SP4: variants seen among roughly 807,000 people sequenced by gnomAD.
SP4 encodes the protein transcription factor Sp4.
In SP4, 19 loss-of-function variants were observed where a neutral mutation model predicts 72.8. The observed-to-expected ratio is 0.26, with a 90% CI of 0.18 to 0.38. The LOEUF (loss-of-function observed/expected upper bound fraction) is 0.38. SP4 is among the 10% of genes least tolerant of loss of function. The pLI is 1.00. For synonymous variants in SP4, 395 were observed against 333.1 expected, an observed-to-expected ratio of 1.19 and a Z score of -2.02; for missense variants, 1,008 against 926.3, an observed-to-expected ratio of 1.09 and a Z score of -1.14.
chr7:21,464,132 T>C (rs986328931), intron 3 of SP4, among the ~76,000 whole-genome samples: 6 of 149,916 alleles, frequency 4.0e-5, no homozygotes, highest in South Asian at 2.1e-4. Flanking sequence ...CTTTTTTTTT[T>C]TTTTTTTTTT....
intron 3 of SP4, among the ~76,000 whole-genome samples, chr7:21,453,419 C>G (rs73685128): frequency 0.022 from 3,291 of 152,248 alleles, 124 homozygotes; most frequent in African/African-American, 0.074. Context: ...CAGCCAGACA[C>G]AATTGAAAAG....
intron 3 of SP4, among the ~76,000 whole-genome samples, chr7:21,431,876 A>G (rs1782868376): frequency 2.0e-5 from 3 of 152,226 alleles, no homozygotes. Context: ...CTTTCTTGAA[A>G]CAAGTTGCAG....
At chr7:21,482,206 T>G (rs1378875403) in intron 5 of SP4, 83 bp downstream of exon 5, 2 of 1,065,422 alleles carry the variant, frequency 1.9e-6, no homozygotes, top group African/African-American at 3.2e-5. Context: ...AGCTATCAAA[T>G]TGGAAATATG....
intron 5 of SP4, among the ~76,000 whole-genome samples, chr7:21,484,142 A>G (rs1387631907): frequency 4.6e-5 from 7 of 151,940 alleles, no homozygotes; most frequent in Non-Finnish European, 1.0e-4. Context: ...AATTTGATAT[A>G]CACATAAAGT....
At chr7:21,495,183 C>T (rs1785076977) in intron 5 of SP4, among the ~76,000 whole-genome samples, 2 of 152,072 alleles carry the variant, frequency 1.3e-5, no homozygotes, top group African/African-American at 4.8e-5. Context: ...GCTACGAGTG[C>T]TTTAACACAA....
In SP4 at chr7:21,511,422, A is replaced by C. The variant is rs1037026387; in HGVS notation, c.*153A>C. On this transcript the variant is annotated 3_prime_UTR_variant, in exon 6 of 6. Coordinates refer to ENST00000222584, the MANE Select transcript of SP4 (RefSeq NM_003112.5). The stretch of plus-strand genomic sequence containing the variant: ...TCCAGGGTTTGGGGTCAACACGTGA[A>C]GTGTTGAATTTTAAAAAATACAAAA... The C allele has an allele frequency of 1.4e-6, 1 of 716,294 alleles. No homozygotes were observed. Among genetic ancestry groups the C allele is most frequent in the African/African-American group, 1.8e-5 (1 of 56,352 alleles). The allele number at this position is 716,294 out of a possible 1,614,324, so 44.4% of individuals were successfully genotyped here. A position where few individuals can be genotyped will look rare whatever the true frequency, so the allele number is the denominator to read the frequency against.
At chr7:21,474,871 A>G (rs1050054683) in intron 3 of SP4, among the ~76,000 whole-genome samples, 4 of 152,224 alleles carry the variant, frequency 2.6e-5, no homozygotes, top group Non-Finnish European at 4.4e-5. Context: ...ACAGTGACAA[A>G]ATAAATTTTT....
At chr7:21,438,994 T>A (rs1783141626) in intron 3 of SP4, among the ~76,000 whole-genome samples, 1 of 152,224 alleles carries the variant, frequency 6.6e-6, no homozygotes, top group Non-Finnish European at 1.5e-5. Context: ...TTTGTGTAAT[T>A]TATAAATTAA....
intron 3 of SP4, among the ~76,000 whole-genome samples, chr7:21,438,326 T>C (rs947038589): frequency 3.9e-5 from 6 of 152,202 alleles, no homozygotes; most frequent in African/African-American, 1.4e-4. Context: ...CAGAGTTCTC[T>C]GTAAGTCTTA....
chr7:21,509,651 T>A (rs1254912960), intron 5 of SP4, among the ~76,000 whole-genome samples: 1 of 152,136 alleles, frequency 6.6e-6, no homozygotes, highest in Non-Finnish European at 1.5e-5. Flanking sequence ...ACTAATGGTT[T>A]TTTCAAAGTT....
intron 3 of SP4, among the ~76,000 whole-genome samples, chr7:21,436,617 A>G (rs961772518): frequency 2.6e-5 from 4 of 152,208 alleles, no homozygotes; most frequent in African/African-American, 9.7e-5. Flanking sequence ...CTGGCCTAAT[A>G]TCAGAGTGTA....
intron 3 of SP4, among the ~76,000 whole-genome samples, chr7:21,470,482 C>G (rs553515166): frequency 1.3e-5 from 2 of 152,194 alleles, no homozygotes; most frequent in Non-Finnish European, 2.9e-5. Flanking sequence ...GCCCCTGCCT[C>G]ACAATCCAGA....
intron 3 of SP4, among the ~76,000 whole-genome samples, chr7:21,468,774 G>C (rs1260007504): frequency 6.6e-6 from 1 of 151,962 alleles, no homozygotes; most frequent in Non-Finnish European, 1.5e-5. Context: ...TAGACCTTAA[G>C]GAAATGTACA....
At chr7:21,456,766 A>G (rs1411318859) in intron 3 of SP4, among the ~76,000 whole-genome samples, 2 of 152,198 alleles carry the variant, frequency 1.3e-5, no homozygotes, top group Non-Finnish European at 2.9e-5. Context: ...TAGCCCTACC[A>G]TTCTCACAAG....
chr7:21,468,839 A>G (rs1784245427), intron 3 of SP4, among the ~76,000 whole-genome samples: 1 of 152,140 alleles, frequency 6.6e-6, no homozygotes, highest in African/African-American at 2.4e-5. Context: ...TGAGATATCC[A>G]ATTTTTTGTT....
rs1036861076 is a variant in SP4, at chr7:21,498,554, A to G, written c.2108-12468A>G. On this transcript the variant is annotated intron_variant, in intron 5 of 5. Coordinates refer to ENST00000222584, the MANE Select transcript of SP4 (RefSeq NM_003112.5). ...GTGTTTCAGGAACTACATGGCTCTCAGTTTGAATAACTTGAGTCCTTACAT... is the reference window on the plus strand; with the variant it reads ...GTGTTTCAGGAACTACATGGCTCTCGGTTTGAATAACTTGAGTCCTTACAT... Among the ~76,000 whole-genome samples the G allele has an allele frequency of 2.0e-5, 3 of 152,320 alleles. No individual in the cohort carries two copies. The East Asian group carries it at 5.8e-4, about 29-fold the overall frequency.
intron 3 of SP4, among the ~76,000 whole-genome samples, chr7:21,439,494 AC>A (rs1783164788): frequency 7.0e-6 from 1 of 143,740 alleles, no homozygotes; most frequent in African/African-American, 2.6e-5. Flanking sequence ...CTCCCCTCAC[AC>A]CCTCCTTTCT....
intron 4 of SP4, among the ~76,000 whole-genome samples, chr7:21,480,697 T>C (rs79986995): frequency 6.6e-6 from 1 of 152,200 alleles, no homozygotes; most frequent in Non-Finnish European, 1.5e-5. Flanking sequence ...TTTCTGACCC[T>C]AAGAAGGTTC....
At chr7:21,440,090 A>G (rs757909080) in intron 3 of SP4, among the ~76,000 whole-genome samples, 1 of 152,200 alleles carries the variant, frequency 6.6e-6, no homozygotes, top group Non-Finnish European at 1.5e-5. Flanking sequence ...TGCAGACCAC[A>G]TGTACTTAGA....
Sources: gnomAD v4.1 joint callset for allele counts (sites outside exome capture counted in the v4.1 genomes callset) on GRCh38, gnomAD v4.1.1 for gene constraint, MANE v1.5 for transcripts, NCBI Gene and HGNC (gene_info 2026-07-23, HGNC 2026-07-21) for gene names.